COA1: variants seen among roughly 807,000 people sequenced by gnomAD.
The protein encoded by COA1 is cytochrome c oxidase assembly factor 1 homolog.
A neutral mutation model predicts 16.0 loss-of-function variants in COA1; 13 were observed. The observed-to-expected ratio is 0.81, with a 90% CI of 0.53 to 1.29. The LOEUF (loss-of-function observed/expected upper bound fraction) is 1.29, where lower values mean the gene tolerates loss of function less well. Among genes scored for constraint, COA1 ranks in the 50% most tolerant of loss-of-function variants. The probability of loss-of-function intolerance (pLI) is 0.00; values close to 1 mark genes in which losing one functional copy is unlikely to be tolerated. For missense variants in COA1, 179 were observed against 177.0 expected, an observed-to-expected ratio of 1.01 and a Z score of -0.06; for synonymous variants, 65 against 65.7, an observed-to-expected ratio of 0.99 and a Z score of 0.05.
downstream of COA1, among the ~76,000 whole-genome samples, chr7:43,635,233 A>G (rs930241273): frequency 6.6e-6 from 1 of 152,204 alleles, no homozygotes; most frequent in Non-Finnish European, 1.5e-5. Flanking sequence ...TTGAATATTA[A>G]GTCCTAGATC....
intron 1 of COA1, among the ~76,000 whole-genome samples, chr7:43,685,049 C>G (rs1341801009): frequency 6.6e-6 from 1 of 151,132 alleles, no homozygotes; most frequent in Non-Finnish European, 1.5e-5. Context: ...TTTGGGAAAC[C>G]GAGGCAGAAG....
intron 1 of COA1, among the ~76,000 whole-genome samples, chr7:43,659,477 C>CT (rs1261349261): frequency 1.3e-5 from 2 of 152,180 alleles, no homozygotes; most frequent in African/African-American, 4.8e-5. Flanking sequence ...GTATTCAGTA[C>CT]TTTCTGGCAT....
intron 1 of COA1, among the ~76,000 whole-genome samples, chr7:43,655,567 C>T (rs1430905951): frequency 4.6e-5 from 7 of 152,216 alleles, no homozygotes; most frequent in South Asian, 2.1e-4. Context: ...GAGGCTGAGG[C>T]GGAAGAATCG....
chr7:43,726,410 C>T (rs533938564), intron 1 of COA1, among the ~76,000 whole-genome samples: 1 of 152,166 alleles, frequency 6.6e-6, no homozygotes, highest in East Asian at 1.9e-4. Context: ...CCTGACTACA[C>T]AAAAATGTAA....
chr7:43,723,134 T>C (rs79123418), intron 1 of COA1, among the ~76,000 whole-genome samples: 2,891 of 152,316 alleles, frequency 0.019, 85 homozygotes, highest in African/African-American at 0.066. Context: ...GTAACACATA[T>C]AATCCTCTAC....
chr7:43,677,822 A>G (rs2093605414), intron 1 of COA1, among the ~76,000 whole-genome samples: 1 of 147,108 alleles, frequency 6.8e-6, no homozygotes. Flanking sequence ...AAAAAAAAAA[A>G]AAATTGTAAT....
chr7:43,643,796 C>G (rs146827379), intron 4 of COA1, among the ~76,000 whole-genome samples: 114 of 152,366 alleles, frequency 7.5e-4, no homozygotes, highest in Admixed American at 1.3e-3. Context: ...CCAATCTACA[C>G]AAATCCACCT....
rs371645573 is a variant in COA1 at position 43,647,583 on chromosome 7, C to T, written c.67G>A (p.Gly23Ser). The stretch of plus-strand genomic sequence containing the variant: ...GCAAAGCCCCCGGCATAGAACACAC[C>T]GTGGAAAAGGATCCTTGCTCCCAGA... ...MPLGARILFH[G>S]VFYAGGFAIV... The change falls in exon 3 of 6, where the codon GGT (glycine) becomes AGT (serine). Residue 23 changes from glycine (G) to serine (S), a missense_variant. Gly to Ser is a moderately conservative substitution (Grantham distance 56, BLOSUM62 0). Transcript: ENST00000223336. The T allele has an allele frequency of 6.2e-6, 10 of 1,614,058 alleles. No individual in the cohort carries two copies. Among genetic ancestry groups the T allele is most frequent in the South Asian group, 1.1e-5 (1 of 91,086 alleles).
chr7:43,639,184 C>T (rs2153060205), downstream of COA1: 1 of 156,256 alleles, frequency 6.4e-6, no homozygotes, highest in Middle Eastern at 3.2e-3. Context: ...TACTAAGCTT[C>T]AGGCTTTGTA....
intron 1 of COA1, chr7:43,658,807 C>T (rs538888913): frequency 1.3e-5 from 2 of 152,406 alleles, no homozygotes; most frequent in Admixed American, 6.5e-5. Flanking sequence ...CATTTGAAAA[C>T]CAGGGGAAGG....
chr7:43,729,253 AGAAGCTGCGCAGG>A lies in COA1; in HGVS notation c.-39+163_-39+175del, dbSNP rs1243391020. On this transcript the variant is annotated intron_variant, in intron 1 of 5. Coordinates refer to ENST00000223336, the MANE Select transcript of COA1 (RefSeq NM_018224.4). ...GCCACTGAAGGTTACCAGGTGCCAAAGAAGCTGCGCAGGGAGGCCGCGACCCGGCGCCGGCGCG... is the reference window on the plus strand; with the variant it reads ...GCCACTGAAGGTTACCAGGTGCCAAAGAGGCCGCGACCCGGCGCCGGCGCG... Among the ~76,000 whole-genome samples the A allele has an allele frequency of 2.0e-5, 3 of 152,262 alleles. No individual in the cohort carries two copies. The East Asian group carries it at 5.8e-4, about 29-fold the overall frequency.
chr7:43,633,232 C>T (rs1050917673), intron 6 of COA1: 2 of 152,246 alleles, frequency 1.3e-5, no homozygotes, highest in African/African-American at 2.4e-5. Context: ...TCCATCAGCA[C>T]TTGCTGCGTC....
chr7:43,710,989 G>A (rs1316876350), intron 1 of COA1, among the ~76,000 whole-genome samples: 2 of 151,026 alleles, frequency 1.3e-5, no homozygotes, highest in African/African-American at 4.9e-5. Context: ...CAATCTTTAA[G>A]AACAATACTG....
In COA1 at chr7:43,617,950, A is replaced by AGG. The variant is rs751253728; in HGVS notation, c.*134-8457_*134-8456dup. Among the ~76,000 whole-genome samples the AGG allele has an allele frequency of 3.3e-5, 5 of 152,322 alleles. No individual in the cohort carries two copies. The East Asian group carries it at 9.6e-4, about 29-fold the overall frequency. Reference sequence around the variant, plus strand: ...GAGAAAGATAACATATAAACAAGGAAGGAGTGGTTAACTTTGTCAAACACT... The same window carrying AGG: ...GAGAAAGATAACATATAAACAAGGAAGGGGAGTGGTTAACTTTGTCAAACACT... On this transcript the variant is annotated intron_variant and NMD_transcript_variant, in intron 6 of 6. Coordinates refer to the COA1 transcript ENST00000415076.
chr7:43,648,535 T>C lies in COA1; in HGVS notation c.15+65A>G, dbSNP rs753655192. 14 of 1,552,572 alleles carry C rather than the reference T, an allele frequency of 9.0e-6. No individual in the cohort carries two copies. In the African/African-American group the frequency reaches 1.5e-4, roughly 17 times the overall value. ...CTATTCAGGGAGTGACTTTCTTCTA[T>C]TGTCTAACTCGAGAATACCCTGGCA... is the stretch of plus-strand genomic sequence containing the variant. On this transcript the variant is annotated intron_variant, in intron 2 of 5. Transcript: ENST00000223336.
At chr7:43,608,741 G>T in exon 7 of COA1, 1 of 169,696 alleles carries the variant, frequency 5.9e-6, no homozygotes, top group Non-Finnish European at 1.2e-5. Context: ...TTTGTGATGT[G>T]TTTGGGAAAA....
chr7:43,635,075 T>G (rs1399493379), downstream of COA1, among the ~76,000 whole-genome samples: 1 of 152,198 alleles, frequency 6.6e-6, no homozygotes, highest in African/African-American at 2.4e-5. Context: ...TTTTGAATAG[T>G]GAATTTTCTA....
At chr7:43,691,252 A>AAAGAAAG (rs1563380465) in intron 1 of COA1, among the ~76,000 whole-genome samples, 2 of 65,430 alleles carry the variant, frequency 3.1e-5, no homozygotes, top group African/African-American at 1.8e-4. Flanking sequence ...TTGACTCAAA[A>AAAGAAAG]AAAGAAAGAA....
chr7:43,718,867 T>C (rs986903582), intron 1 of COA1, among the ~76,000 whole-genome samples: 7 of 152,162 alleles, frequency 4.6e-5, no homozygotes, highest in African/African-American at 1.7e-4. Context: ...CTCTACACTA[T>C]GTTGATGTTG....
Sources: gnomAD v4.1 joint callset for allele counts (sites outside exome capture counted in the v4.1 genomes callset) on GRCh38, gnomAD v4.1.1 for gene constraint, MANE v1.5 for transcripts, NCBI Gene and HGNC (gene_info 2026-07-23, HGNC 2026-07-21) for gene names.